Variants in STRN3 observed in about 807,000 individuals in gnomAD.
The protein encoded by STRN3 is striatin 3.
A neutral mutation model predicts 95.6 loss-of-function variants in STRN3; 29 were observed. That is an observed-to-expected ratio of 0.30 (90% confidence interval 0.23 to 0.41). The LOEUF (loss-of-function observed/expected upper bound fraction) is 0.41. Ranked by LOEUF, STRN3 falls within the 10% of genes least tolerant of loss-of-function variation. The probability of loss-of-function intolerance (pLI) is 1.00; values close to 1 mark genes in which losing one functional copy is unlikely to be tolerated. For missense variants in STRN3, 890 were observed against 972.1 expected, an observed-to-expected ratio of 0.92 and a Z score of 1.12; for synonymous variants, 331 against 357.6, an observed-to-expected ratio of 0.93 and a Z score of 0.84.
At chr14:31,001,727 C>T (rs1882460477) in intron 1 of STRN3, among the ~76,000 whole-genome samples, 1 of 152,154 alleles carries the variant, frequency 6.6e-6, no homozygotes, top group Non-Finnish European at 1.5e-5. Flanking sequence ...AAACTGGAAG[C>T]AACTCAAGTC....
intron 8 of STRN3, among the ~76,000 whole-genome samples, chr14:30,922,463 A>C (rs1480291389): frequency 1.3e-5 from 2 of 152,182 alleles, no homozygotes; most frequent in Non-Finnish European, 1.5e-5. Context: ...CAAACTATAG[A>C]CTACTGTTAC....
At chr14:30,915,910 G>A (rs1416052894) in intron 9 of STRN3, among the ~76,000 whole-genome samples, 1 of 152,104 alleles carries the variant, frequency 6.6e-6, no homozygotes, top group Non-Finnish European at 1.5e-5. Flanking sequence ...TGGCTTAATT[G>A]TACTTAACAA....
intron 1 of STRN3, among the ~76,000 whole-genome samples, chr14:31,015,548 T>C (rs1169426851): frequency 6.6e-6 from 1 of 151,910 alleles, no homozygotes; most frequent in African/African-American, 2.4e-5. Flanking sequence ...ATTTTTTGTA[T>C]TTTTAGTAGA....
intron 1 of STRN3, among the ~76,000 whole-genome samples, chr14:30,990,176 T>G (rs1202714069): frequency 6.6e-6 from 1 of 151,308 alleles, no homozygotes; most frequent in Non-Finnish European, 1.5e-5. Context: ...CTTTTTTTTT[T>G]TTTTGAGATG....
chr14:30,955,420 A>T (rs1021099204), intron 3 of STRN3, among the ~76,000 whole-genome samples, 200 bp downstream of exon 3: 5 of 152,192 alleles, frequency 3.3e-5, no homozygotes, highest in Admixed American at 3.3e-4. Context: ...CAACTCAAGG[A>T]TAATAAGACA....
Position 30,895,544 on chromosome 14 carries a change from C to T in STRN3, c.2261G>A (p.Ser754Asn). The T allele has an allele frequency of 6.2e-7, 1 of 1,613,974 alleles. No individual in the cohort carries two copies. Among genetic ancestry groups the T allele is most frequent in the Non-Finnish European group, 8.5e-7 (1 of 1,179,934 alleles). ...TGTTATTTCTTGCACACATGTCTTG[C>T]TGTCTAAATTCCATAATCTGATGGA... The part of the protein sequence containing the change: ...DCSIRLWNLD[S>N]KTCVQEITAH... Residue 754 changes from serine (S) to asparagine (N), a missense_variant, in exon 18 of 18, where the codon AGC becomes AAC. This residue lies in a region of STRN3 where 357 missense variants were observed against 422.8 expected (regional missense o/e 0.84). Coordinates refer to ENST00000357479, the MANE Select transcript of STRN3 (RefSeq NM_001083893.2).
intron 1 of STRN3, among the ~76,000 whole-genome samples, chr14:30,989,759 AAACAC>A (rs1881863667): frequency 2.0e-5 from 3 of 152,026 alleles, no homozygotes; most frequent in African/African-American, 7.3e-5. Context: ...CGCCCGGACA[AAACAC>A]AGGATTTATA....
chr14:30,941,237 G>A (rs911338605), intron 5 of STRN3, among the ~76,000 whole-genome samples: 4 of 152,176 alleles, frequency 2.6e-5, no homozygotes, highest in Admixed American at 6.5e-5. Flanking sequence ...CTAAGAATAT[G>A]GCTATCTCTT....
intron 5 of STRN3, among the ~76,000 whole-genome samples, chr14:30,939,251 T>C (rs1053548956): frequency 1.2e-4 from 19 of 152,288 alleles, no homozygotes; most frequent in Admixed American, 1.0e-3. Flanking sequence ...TATCCTTAAA[T>C]AGATAGTCCA....
At chr14:30,955,589 A>G in intron 3 of STRN3, 31 bp downstream of exon 3, 1 of 1,552,452 alleles carries the variant, frequency 6.4e-7, no homozygotes, top group Non-Finnish European at 8.6e-7. Context: ...TGAATTAAAA[A>G]AAAAAAAAGT....
intron 1 of STRN3, among the ~76,000 whole-genome samples, chr14:30,959,699 T>C (rs192257688): frequency 7.8e-4 from 119 of 151,886 alleles, no homozygotes; most frequent in Non-Finnish European, 1.5e-3. Flanking sequence ...CACATGACTA[T>C]AATGCCAGCT....
At chr14:30,915,592 A>G (rs528423574) in intron 9 of STRN3, among the ~76,000 whole-genome samples, 2 of 152,324 alleles carry the variant, frequency 1.3e-5, no homozygotes, top group Admixed American at 6.5e-5. Flanking sequence ...TATAAAATCA[A>G]TAATTTAAAC....
intron 1 of STRN3, among the ~76,000 whole-genome samples, chr14:30,972,535 T>C (rs1880885875): frequency 6.6e-6 from 1 of 152,194 alleles, no homozygotes; most frequent in Non-Finnish European, 1.5e-5. Context: ...TCGAGTGTTA[T>C]TTCTTTTGCG....
chr14:30,950,993 A>G (rs762668828), intron 3 of STRN3, 49 bp from the exon 4 acceptor site: 1 of 1,498,434 alleles, frequency 6.7e-7, no homozygotes, highest in South Asian at 1.2e-5. Context: ...TCGACTCCTG[A>G]AAATATTGCC....
At chr14:30,918,038 G>GA (rs1896784190) in intron 9 of STRN3, among the ~76,000 whole-genome samples, 2 of 151,970 alleles carry the variant, frequency 1.3e-5, no homozygotes, top group Non-Finnish European at 2.9e-5. Context: ...ATCAATTTTG[G>GA]AAAAAATGTT....
chr14:30,970,455 C>A lies in STRN3; in HGVS notation c.283-14213G>T, dbSNP rs144280688. On this transcript the variant is annotated intron_variant, in intron 1 of 17. Coordinates refer to ENST00000357479, the MANE Select transcript of STRN3 (RefSeq NM_001083893.2). ...CATTCATTTTACTAAAGGGACAGCT[C>A]CCCTCCCCCAGCTGTCAGCTAAACC... Among the ~76,000 whole-genome samples the A allele has an allele frequency of 3.0e-3, 452 of 152,310 alleles. 2 individuals are homozygous for A. The highest frequency in any genetic ancestry group is 0.01 in the African/African-American group (431 of 41,574).
At chr14:31,020,952 AGTCT>A in intron 1 of STRN3, among the ~76,000 whole-genome samples, 1 of 152,286 alleles carries the variant, frequency 6.6e-6, no homozygotes. Context: ...CTGAGGACAA[AGTCT>A]GTGTCTCATA....
At chr14:30,981,358 C>T (rs969793496) in intron 1 of STRN3, among the ~76,000 whole-genome samples, 3 of 152,016 alleles carry the variant, frequency 2.0e-5, no homozygotes, top group Non-Finnish European at 4.4e-5. Context: ...AATGTTGGCA[C>T]CCACACCTGT....
chr14:30,946,953 T>C (rs1448860049), intron 5 of STRN3, 137 bp downstream of exon 5: 4 of 530,918 alleles, frequency 7.5e-6, no homozygotes, highest in Non-Finnish European at 1.2e-5. Flanking sequence ...CACTCCAGCT[T>C]GGGCGACAAG....
Sources: allele counts gnomAD v4.1 joint callset (sites outside exome capture counted in the v4.1 genomes callset), GRCh38; gene constraint gnomAD v4.1.1; regional missense constraint gnomAD v4.1.1; transcripts MANE v1.5; gene names NCBI Gene and HGNC (gene_info 2026-07-23, HGNC 2026-07-21).